The following PPIP5K2 variants were observed in gnomAD, a reference collection of about 807,000 sequenced individuals.
The protein encoded by PPIP5K2 is inositol hexakisphosphate and diphosphoinositol-pentakisphosphate kinase 2.
In PPIP5K2, 105 loss-of-function variants were observed where a neutral mutation model predicts 154.6. That is an observed-to-expected ratio of 0.68 (90% CI 0.58 to 0.80). The LOEUF is 0.80. Among genes scored for constraint, PPIP5K2 ranks in the 30% least tolerant of loss-of-function variants. The pLI is 0.00. For missense variants in PPIP5K2, 992 were observed against 1,504.6 expected (o/e 0.66, Z 5.64); for synonymous variants, 480 against 490.3 (o/e 0.98, Z 0.28).
chr5:103,143,742 A>G (rs1170281839), intron 5 of PPIP5K2, among the ~76,000 whole-genome samples: 1 of 152,196 alleles, frequency 6.6e-6, no homozygotes, highest in Non-Finnish European at 1.5e-5. Flanking sequence ...ACATCCCTTC[A>G]TGATAAAATC....
intron 9 of PPIP5K2, 32 bp from the exon 10 acceptor site, chr5:103,152,616 T>G: frequency 2.8e-6 from 4 of 1,404,126 alleles, no homozygotes; most frequent in Non-Finnish European, 4.0e-6. Context: ...TAAAACGTAC[T>G]AATTTTAAAT....
chr5:103,129,016 T>C (rs965003517), intron 1 of PPIP5K2, among the ~76,000 whole-genome samples: 1 of 152,188 alleles, frequency 6.6e-6, no homozygotes, highest in Non-Finnish European at 1.5e-5. Context: ...TTTGAGTAAT[T>C]TTCTCTTAAT....
chr5:103,190,689 C>A (rs1225535688), intron 28 of PPIP5K2, among the ~76,000 whole-genome samples, 153 bp from the exon 29 acceptor site: 1 of 151,928 alleles, frequency 6.6e-6, no homozygotes, highest in East Asian at 1.9e-4. Context: ...TGCATAGCAT[C>A]TGGTGTCATG....
At chr5:103,181,186 G>T (rs1799479632) in intron 24 of PPIP5K2, among the ~76,000 whole-genome samples, 1 of 151,852 alleles carries the variant, frequency 6.6e-6, no homozygotes, top group African/African-American at 2.4e-5. Context: ...TTTTATTTGG[G>T]GTTATCTCTG....
At chr5:103,195,445 C>T (rs1386801340) in intron 30 of PPIP5K2, among the ~76,000 whole-genome samples, 1 of 151,974 alleles carries the variant, frequency 6.6e-6, no homozygotes, top group Non-Finnish European at 1.5e-5. Flanking sequence ...CATAGCAAGA[C>T]CCTGTCTCAA....
rs201909719 is a variant in PPIP5K2, at chr5:103,172,952, T to TCCA, written c.2287-198_2287-196dup. 9.5e-3 allele frequency among the ~76,000 whole-genome samples: 1,443 copies of TCCA among 151,978 alleles called. 9 individuals are homozygous for TCCA. The highest frequency in any genetic ancestry group is 0.013 in the Non-Finnish European group (852 of 67,838). On this transcript the variant is annotated intron_variant, in intron 19 of 30. Coordinates refer to ENST00000358359, the MANE Select transcript of PPIP5K2 (RefSeq NM_001276277.3). ...CAGAAATTACTGGCTTTTGTTCAGT[T>TCCA]CCACCACAAAATCCTTCCAATTATA...
rs1420416991 is a variant in PPIP5K2, at chr5:103,208,101, T to C, written c.*6467T>C. On this transcript the variant is annotated 3_prime_UTR_variant, in exon 31 of 31. Coordinates refer to ENST00000358359, the MANE Select transcript of PPIP5K2 (RefSeq NM_001276277.3). ...TGGCTTTTCTTTTTCTTTTTCTTTTTTTTTTTGAGATGGAGTTTTACTCTT... is the reference window on the plus strand; with the variant it reads ...TGGCTTTTCTTTTTCTTTTTCTTTTCTTTTTTGAGATGGAGTTTTACTCTT... The C allele has an allele frequency of 6.6e-6, 1 of 151,806 alleles. No homozygotes were observed. The highest frequency in any genetic ancestry group is 1.5e-5 in the Non-Finnish European group (1 of 67,954). 9.4% of individuals were successfully genotyped at this position (151,806 alleles called of 1,614,324 possible).
rs1803738819 is a variant in PPIP5K2, at chr5:103,210,390, T to C, written c.*8756T>C. 1 of 152,186 alleles carries C rather than the reference T, an allele frequency of 6.6e-6. No homozygotes were observed. Among genetic ancestry groups the C allele is most frequent in the Non-Finnish European group, 1.5e-5 (1 of 68,016 alleles). The allele number at this position is 152,186 out of a possible 1,614,324, so 9.4% of individuals were successfully genotyped here. On this transcript the variant is annotated 3_prime_UTR_variant, in exon 31 of 31. Transcript: ENST00000358359. Reference sequence around the variant, plus strand: ...AACCTTGTGCTTCTGAAAATATTTATATTTAACCATGAGGTTATGATGATT... The same window carrying C: ...AACCTTGTGCTTCTGAAAATATTTACATTTAACCATGAGGTTATGATGATT...
At chr5:103,143,066 GAGTTA>G (rs1157008543) in intron 5 of PPIP5K2, among the ~76,000 whole-genome samples, 21 of 152,134 alleles carry the variant, frequency 1.4e-4, no homozygotes, top group African/African-American at 4.8e-4. Flanking sequence ...TTTGTAATCA[GAGTTA>G]AGTTGTCATC....
In PPIP5K2 at chr5:103,194,837, A is replaced by G. The variant is rs1303868562; in HGVS notation, c.3494-63A>G. 5.3e-6 allele frequency: 8 copies of G among 1,522,160 alleles called. No homozygotes were observed. The East Asian group carries it at 1.8e-4, about 35-fold the overall frequency. 94.3% of individuals were successfully genotyped at this position (1,522,160 alleles called of 1,614,324 possible). ...GTCACTAAATTATAAGAAACTTTCT[A>G]TGATGTTAAGAGATAATTGGCAGGA... On this transcript the variant is annotated intron_variant, in intron 29 of 30. Coordinates refer to ENST00000358359, the MANE Select transcript of PPIP5K2 (RefSeq NM_001276277.3).
intron 27 of PPIP5K2, 23 bp from the exon 28 acceptor site, chr5:103,187,291 G>C: frequency 6.6e-7 from 1 of 1,519,480 alleles, no homozygotes; most frequent in Non-Finnish European, 8.8e-7. Context: ...CGAATTTCAG[G>C]TACCTGTTTT....
At chr5:103,183,110 G>T in intron 24 of PPIP5K2, 124 bp from the exon 25 acceptor site, 1 of 895,568 alleles carries the variant, frequency 1.1e-6, no homozygotes, top group Non-Finnish European at 1.5e-6. Context: ...AAGCAAATAT[G>T]AACAAACTGT....
In PPIP5K2 at chr5:103,159,288, T is replaced by G. The variant is rs1795864848; in HGVS notation, c.1880T>G (p.Leu627Arg). 1 of 1,612,266 alleles carries G rather than the reference T, an allele frequency of 6.2e-7. No homozygotes were observed. The highest frequency in any genetic ancestry group is 1.3e-5 in the African/African-American group (1 of 74,792). Reference sequence around the variant, plus strand: ...GTGAAGGCAAGGCTTCATGAAATACTTCAGAAAGACAGAGATTTTACTGCT... The same window carrying G: ...GTGAAGGCAAGGCTTCATGAAATACGTCAGAAAGACAGAGATTTTACTGCT... ...QRVKARLHEI[L>R]QKDRDFTAED... The change falls in exon 17 of 31, where the codon CTT (leucine) becomes CGT (arginine). Residue 627 changes from leucine to arginine, a missense_variant. Leu to Arg is a moderately radical substitution (Grantham distance 102, BLOSUM62 -2). Around this residue, in one of 9 missense-constraint regions of PPIP5K2, gnomAD observed 82 missense variants for 91.8 expected, o/e 0.89. Coordinates refer to ENST00000358359, the MANE Select transcript of PPIP5K2 (RefSeq NM_001276277.3).
At chr5:103,144,425 AT>A (rs1793392468) in intron 5 of PPIP5K2, among the ~76,000 whole-genome samples, 2 of 152,276 alleles carry the variant, frequency 1.3e-5, no homozygotes, top group South Asian at 4.1e-4. Flanking sequence ...TAGAAAAAAA[AT>A]ACTAAAATTT....
In PPIP5K2 at chr5:103,204,685, G is replaced by A. The variant is rs1157874345; in HGVS notation, c.*3051G>A. On this transcript the variant is annotated 3_prime_UTR_variant, in exon 31 of 31. Coordinates refer to ENST00000358359, the MANE Select transcript of PPIP5K2 (RefSeq NM_001276277.3). ...TCCACATAGAAACAGGTTTCCCTCT[G>A]TACATAATCGTAGGTACCAAAATAT... is the stretch of plus-strand genomic sequence containing the variant. The A allele has an allele frequency of 1.3e-5, 2 of 152,086 alleles. No homozygotes were observed. The highest frequency in any genetic ancestry group is 4.8e-5 in the African/African-American group (2 of 41,396). 9.4% of individuals were successfully genotyped at this position (152,086 alleles called of 1,614,324 possible).
chr5:103,141,421 TG>T (rs1251386942), intron 5 of PPIP5K2, among the ~76,000 whole-genome samples: 4 of 151,960 alleles, frequency 2.6e-5, no homozygotes, highest in Non-Finnish European at 4.4e-5. Flanking sequence ...GGTGGGCTCT[TG>T]GTCTTGCTGG....
In PPIP5K2 at chr5:103,184,743, A is replaced by G; in HGVS notation, c.3168A>G (p.Val1056=). The G allele has an allele frequency of 6.2e-7, 1 of 1,609,606 alleles. No homozygotes were observed. Among genetic ancestry groups the G allele is most frequent in the South Asian group, 1.1e-5 (1 of 90,980 alleles). Residue 1056 remains valine (V), a splice_region_variant and synonymous_variant, in exon 26 of 31, where the codon GTA becomes GTG. Transcript: ENST00000358359. ...TLVEQKQNPT[V]GSHCAGLFST... The stretch of plus-strand genomic sequence containing the variant: ...TGGAACAGAAGCAGAATCCTACTGT[A>G]GGTATGTGGTGTAAAGGAAATTGTG...
At chr5:103,162,270 A>G (rs1324474964) in intron 17 of PPIP5K2, among the ~76,000 whole-genome samples, 3 of 150,674 alleles carry the variant, frequency 2.0e-5, no homozygotes, top group African/African-American at 4.9e-5. Context: ...TATATTCTGG[A>G]TATGAGTTCT....
chr5:103,147,987 A>G lies in PPIP5K2; in HGVS notation c.699A>G (p.Ser233=). ...AAAGCAATGTACGAAAAACAGGCTC[A>G]TATATATATGAAGAGTTTATGCCCA... ...SPESNVRKTG[S]YIYEEFMPTD... The change falls in exon 7 of 31, where the codon TCA becomes TCG. Residue 233 remains serine, a synonymous_variant. Transcript: ENST00000358359. 1.9e-6 allele frequency: 3 copies of G among 1,602,830 alleles called. No homozygotes were observed. Among genetic ancestry groups the G allele is most frequent in the Non-Finnish European group, 2.6e-6 (3 of 1,172,902 alleles).
Sources: allele counts gnomAD v4.1 joint callset (sites outside exome capture counted in the v4.1 genomes callset), GRCh38; gene constraint gnomAD v4.1.1; regional missense constraint gnomAD v4.1.1; transcripts MANE v1.5; gene names NCBI Gene and HGNC (gene_info 2026-07-23, HGNC 2026-07-21).